Variants in LOXHD1 observed in about 807,000 individuals in gnomAD.
LOXHD1 encodes lipoxygenase homology PLAT domains 1.
In LOXHD1, 205 loss-of-function variants were observed where a neutral mutation model predicts 248.2. The ratio of observed to expected loss-of-function variants is 0.83; its 90% CI spans 0.74 to 0.93. The LOEUF is 0.93. Among genes scored for constraint, LOXHD1 ranks in the 40% least tolerant of loss-of-function variants. The pLI, the probability that LOXHD1 is intolerant of heterozygous loss-of-function variation, is 0.00. For missense variants in LOXHD1, 2,930 were observed against 2,971.6 expected, an observed-to-expected ratio of 0.99 and a Z score of 0.33; for synonymous variants, 1,113 against 1,162.8, an observed-to-expected ratio of 0.96 and a Z score of 0.87.
intron 4 of LOXHD1, among the ~76,000 whole-genome samples, chr18:46,637,056 G>C (rs1470029351): frequency 5.3e-5 from 8 of 152,206 alleles, no homozygotes; most frequent in Non-Finnish European, 1.2e-4. Context: ...TGAGGCAAGA[G>C]AATCACTTGA....
chr18:46,611,365 T>A (rs2038506194), intron 5 of LOXHD1, among the ~76,000 whole-genome samples: 1 of 152,254 alleles, frequency 6.6e-6, no homozygotes, highest in African/African-American at 2.4e-5. Flanking sequence ...ATGCTGCTGG[T>A]TGTTTAACAT....
chr18:46,559,633 G>T, intron 19 of LOXHD1, 31 bp from the exon 20 acceptor site: 3 of 1,548,582 alleles, frequency 1.9e-6, no homozygotes, highest in Non-Finnish European at 1.7e-6. Flanking sequence ...AGTGTGGAGG[G>T]CCTCATGGCC....
At chr18:46,523,429 G>A (rs11664831) in intron 31 of LOXHD1, among the ~76,000 whole-genome samples, 10,824 of 152,186 alleles carry the variant, frequency 0.071, 517 homozygotes, top group Non-Finnish European at 0.1. Flanking sequence ...AGGAACCTAG[G>A]TCCTTGATTG....
At chr18:46,511,903 T>C (rs12970183) in intron 34 of LOXHD1, among the ~76,000 whole-genome samples, 5,211 of 152,328 alleles carry the variant, frequency 0.034, 130 homozygotes, top group South Asian at 0.061. Flanking sequence ...ATTGAGCCTA[T>C]GCTTGAAATC....
chr18:46,495,020 T>TTTTG (rs1568091237), intron 37 of LOXHD1, among the ~76,000 whole-genome samples: 2 of 151,862 alleles, frequency 1.3e-5, no homozygotes, highest in African/African-American at 4.8e-5. Flanking sequence ...CGCCCGGCTT[T>TTTTG]TTTTGTTTTG....
At chr18:46,538,116 GA>G in intron 26 of LOXHD1, 39 bp downstream of exon 26, 1 of 1,503,578 alleles carries the variant, frequency 6.7e-7, no homozygotes, top group Non-Finnish European at 9.0e-7. Context: ...CCCTCTGTCT[GA>G]CCTACTCCAT....
At chr18:46,645,662 G>A (rs1381392897) in intron 2 of LOXHD1, among the ~76,000 whole-genome samples, 1 of 152,032 alleles carries the variant, frequency 6.6e-6, no homozygotes, top group African/African-American at 2.4e-5. Context: ...ACTAATGGGG[G>A]AATCTAAGTC....
intron 21 of LOXHD1, among the ~76,000 whole-genome samples, chr18:46,548,084 C>T (rs1021293255): frequency 4.3e-4 from 66 of 152,198 alleles, no homozygotes; most frequent in African/African-American, 1.3e-3. Context: ...CTGCTATTGT[C>T]GCTCTTGTAA....
rs1450404436 is a variant in LOXHD1 at position 46,598,013 on chromosome 18, C to T, written c.1134+3204G>A. ...CGATCTCCTGACCTCGTGATCTGCC[C>T]GCCTCGGCCTCCAAAAGTGCTGGGA... On this transcript the variant is annotated intron_variant, in intron 8 of 40. Coordinates refer to ENST00000642948, the MANE Select transcript of LOXHD1 (RefSeq NM_001384474.1). Among the ~76,000 whole-genome samples the T allele has an allele frequency of 4.6e-5, 7 of 151,930 alleles. No individual in the cohort carries two copies. The East Asian group carries it at 7.7e-4, about 17-fold the overall frequency.
chr18:46,630,477 C>T (rs1404718691), intron 4 of LOXHD1, among the ~76,000 whole-genome samples: 1 of 152,238 alleles, frequency 6.6e-6, no homozygotes, highest in African/African-American at 2.4e-5. Flanking sequence ...CTTGCTCATG[C>T]TTCCCTACCA....
intron 8 of LOXHD1, among the ~76,000 whole-genome samples, chr18:46,600,250 A>C (rs1479062823): frequency 6.6e-6 from 1 of 152,218 alleles, no homozygotes; most frequent in Non-Finnish European, 1.5e-5. Context: ...AAGTGGATGA[A>C]CTACAGCTTC....
intron 2 of LOXHD1, among the ~76,000 whole-genome samples, chr18:46,647,877 C>T (rs1358267013): frequency 6.6e-6 from 1 of 152,176 alleles, no homozygotes; most frequent in Non-Finnish European, 1.5e-5. Context: ...TCTTAAGGAG[C>T]ATCTTCCTGG....
chr18:46,625,739 C>T (rs187440600), intron 4 of LOXHD1, among the ~76,000 whole-genome samples: 48 of 152,296 alleles, frequency 3.2e-4, no homozygotes, highest in African/African-American at 1.0e-3. Flanking sequence ...TCAGCTTCCA[C>T]TCCTTCAGCT....
intron 23 of LOXHD1, among the ~76,000 whole-genome samples, chr18:46,543,568 AC>A (rs2036660686): frequency 6.6e-6 from 1 of 150,748 alleles, no homozygotes; most frequent in Non-Finnish European, 1.5e-5. Flanking sequence ...CCCTACCCTA[AC>A]CCCCCACCCC....
chr18:46,542,072 T>C (rs2036584634), intron 24 of LOXHD1, 132 bp from the exon 25 acceptor site: 1 of 815,360 alleles, frequency 1.2e-6, no homozygotes, highest in African/African-American at 1.7e-5. Context: ...CCCTTTTGCT[T>C]GCAGCATTGC....
intron 25 of LOXHD1, among the ~76,000 whole-genome samples, chr18:46,539,801 G>GA (rs1393687277): frequency 1.3e-5 from 2 of 151,714 alleles, no homozygotes; most frequent in South Asian, 4.2e-4. Context: ...AAAAATTTAA[G>GA]AAAAAAAAGA....
intron 18 of LOXHD1, 38 bp downstream of exon 18, chr18:46,563,027 G>A: frequency 6.6e-7 from 1 of 1,519,216 alleles, no homozygotes; most frequent in South Asian, 1.2e-5. Context: ...TGTCCACTGA[G>A]CCTGCTGTTG....
At chr18:46,583,170 T>C (rs1490044922) in intron 12 of LOXHD1, among the ~76,000 whole-genome samples, 3 of 151,936 alleles carry the variant, frequency 2.0e-5, no homozygotes, top group Non-Finnish European at 4.4e-5. Flanking sequence ...CAAGAAAAAA[T>C]AGACAATCTA....
chr18:46,627,999 A>G (rs903006411), intron 4 of LOXHD1, among the ~76,000 whole-genome samples: 1 of 152,218 alleles, frequency 6.6e-6, no homozygotes, highest in Non-Finnish European at 1.5e-5. Flanking sequence ...GGTGCATAGA[A>G]GGCTCCCCGC....
Sources: gnomAD v4.1 joint callset for allele counts (sites outside exome capture counted in the v4.1 genomes callset) on GRCh38, gnomAD v4.1.1 for gene constraint, MANE v1.5 for transcripts, NCBI Gene and HGNC (gene_info 2026-07-23, HGNC 2026-07-21) for gene names.